The following MECOM variants were observed in gnomAD, a reference collection of about 807,000 sequenced individuals.
MECOM encodes the protein histone-lysine N-methyltransferase MECOM.
In MECOM, 13 loss-of-function variants were observed where a neutral mutation model predicts 116.3. The observed-to-expected ratio is 0.11, with a 90% CI of 0.07 to 0.18. The LOEUF is 0.18. MECOM is among the 10% of genes least tolerant of loss of function. The pLI is 1.00. For synonymous variants in MECOM, 528 were observed against 535.2 expected (o/e 0.99, Z 0.19); for missense variants, 1,299 against 1,509.0 (o/e 0.86, Z 2.31).
chr3:169,099,995 T>C (rs1385582189), intron 12 of MECOM, among the ~76,000 whole-genome samples: 1 of 152,050 alleles, frequency 6.6e-6, no homozygotes, highest in Non-Finnish European at 1.5e-5. Context: ...CGTTTTTCTA[T>C]AATATACTCT....
intron 1 of MECOM, among the ~76,000 whole-genome samples, chr3:169,625,920 A>G (rs1771314428): frequency 6.6e-6 from 1 of 152,236 alleles, no homozygotes. Context: ...ACTCAGATTT[A>G]TTACCAAAAA....
intron 1 of MECOM, chr3:169,472,901 G>C (rs1749785348): frequency 1.2e-6 from 1 of 867,502 alleles, no homozygotes; most frequent in Non-Finnish European, 1.4e-6. Flanking sequence ...AGACAAATAT[G>C]TCACATGTTC....
At chr3:169,290,460 C>G (rs1714303365) in intron 2 of MECOM, among the ~76,000 whole-genome samples, 1 of 151,942 alleles carries the variant, frequency 6.6e-6, no homozygotes, top group South Asian at 2.1e-4. Context: ...AAAAAAGTGA[C>G]TTTGTAGAGA....
chr3:169,404,397 C>T (rs939498360), intron 1 of MECOM, among the ~76,000 whole-genome samples: 1 of 151,860 alleles, frequency 6.6e-6, no homozygotes, highest in African/African-American at 2.4e-5. Flanking sequence ...CAAAACAATC[C>T]AGAGAGTTAA....
chr3:169,584,371 T>C (rs6444864), intron 1 of MECOM, among the ~76,000 whole-genome samples: 113,109 of 150,530 alleles, frequency 0.75, 43,315 homozygotes, highest in Non-Finnish European at 0.83. Flanking sequence ...AGAGACCATC[T>C]TGGCTAACAC....
At chr3:169,603,128 T>C (rs1345489135) in intron 1 of MECOM, among the ~76,000 whole-genome samples, 3 of 152,200 alleles carry the variant, frequency 2.0e-5, no homozygotes, top group Admixed American at 6.5e-5. Context: ...ATGGGCCACA[T>C]ATAAAACAAT....
intron 2 of MECOM, among the ~76,000 whole-genome samples, chr3:169,349,805 T>A (rs1725995681): frequency 2.0e-5 from 3 of 151,936 alleles, no homozygotes; most frequent in Admixed American, 2.0e-4. Context: ...CCAATGAATA[T>A]GAGACAGGGA....
At chr3:169,608,168 G>A (rs1265669856) in intron 1 of MECOM, among the ~76,000 whole-genome samples, 1 of 152,146 alleles carries the variant, frequency 6.6e-6, no homozygotes, top group East Asian at 1.9e-4. Flanking sequence ...AACTGTCAGC[G>A]ATTGATAACC....
chr3:169,328,202 G>T (rs1465138655), intron 2 of MECOM, among the ~76,000 whole-genome samples: 1 of 152,136 alleles, frequency 6.6e-6, no homozygotes, highest in Non-Finnish European at 1.5e-5. Flanking sequence ...TCTCTTTGTT[G>T]TCTCTTGTAT....
chr3:169,624,055 T>G (rs1416479105), intron 1 of MECOM: 1 of 152,260 alleles, frequency 6.6e-6, no homozygotes, highest in Non-Finnish European at 1.5e-5. Flanking sequence ...GATCCCATTA[T>G]GTGCCTGACC....
At chr3:169,483,269 G>C (rs1751648118) in intron 1 of MECOM, among the ~76,000 whole-genome samples, 1 of 136,780 alleles carries the variant, frequency 7.3e-6, no homozygotes, top group Admixed American at 8.1e-5. Flanking sequence ...GAGAATCTTA[G>C]AAAGATGTCG....
chr3:169,329,497 G>A (rs1401305586), intron 2 of MECOM, among the ~76,000 whole-genome samples: 9 of 152,170 alleles, frequency 5.9e-5, no homozygotes, highest in Admixed American at 5.9e-4. Flanking sequence ...GAACCATTGA[G>A]CATCCTTTTC....
intron 1 of MECOM, among the ~76,000 whole-genome samples, chr3:169,642,765 T>C (rs1277506415): frequency 1.3e-5 from 2 of 149,764 alleles, no homozygotes; most frequent in African/African-American, 4.9e-5. Context: ...AGTACTCTCA[T>C]GCTCCCTTCC....
chr3:169,579,356 C>A (rs1423427088), intron 1 of MECOM, among the ~76,000 whole-genome samples: 1 of 152,148 alleles, frequency 6.6e-6, no homozygotes, highest in African/African-American at 2.4e-5. Context: ...GACAATACCG[C>A]TTTCTCTGCA....
At chr3:169,476,386 G>T (rs1387609114) in intron 1 of MECOM, among the ~76,000 whole-genome samples, 1 of 152,254 alleles carries the variant, frequency 6.6e-6, no homozygotes, top group East Asian at 1.9e-4. Flanking sequence ...ACATCACTCA[G>T]ATCTATGTTC....
At position 169,561,722 on chromosome 3, in the gene MECOM, C is replaced by T. The variant is rs534877247; in HGVS notation, c.37+101614G>A. Among the ~76,000 whole-genome samples, 51 of 152,290 alleles carry T rather than the reference C, an allele frequency of 3.3e-4. 2 individuals are homozygous for T. In the South Asian group the frequency reaches 8.9e-3, roughly 27 times the overall value. Reference sequence around the variant, plus strand: ...AACACACACCACACACAGGCACGCACACTTAATCCATCTGAAGCAAGATTA... The same window carrying T: ...AACACACACCACACACAGGCACGCATACTTAATCCATCTGAAGCAAGATTA... On this transcript the variant is annotated intron_variant, in intron 1 of 16. Transcript: ENST00000651503.
At chr3:169,200,089 G>A (rs1438671469) in intron 2 of MECOM, among the ~76,000 whole-genome samples, 1 of 152,060 alleles carries the variant, frequency 6.6e-6, no homozygotes, top group Non-Finnish European at 1.5e-5. Context: ...GGAGGACAAT[G>A]AATGTCCTTC....
chr3:169,108,196 C>T (rs558066687), intron 9 of MECOM, among the ~76,000 whole-genome samples: 1 of 152,142 alleles, frequency 6.6e-6, no homozygotes, highest in Non-Finnish European at 1.5e-5. Flanking sequence ...CTAAATGCTA[C>T]CTACTAGCAA....
At chr3:169,466,069 T>C (rs1350843265) in intron 1 of MECOM, among the ~76,000 whole-genome samples, 1 of 151,420 alleles carries the variant, frequency 6.6e-6, no homozygotes, top group Non-Finnish European at 1.5e-5. Flanking sequence ...TTTGTTGCCA[T>C]CTGAACACTT....
Sources: gnomAD v4.1 joint callset for allele counts (sites outside exome capture counted in the v4.1 genomes callset) on GRCh38, gnomAD v4.1.1 for gene constraint, MANE v1.5 for transcripts, NCBI Gene and HGNC (gene_info 2026-07-23, HGNC 2026-07-21) for gene names.